Variants in IL1RAPL1 observed in about 807,000 individuals in gnomAD.
IL1RAPL1 encodes the protein interleukin 1 receptor accessory protein like 1.
In IL1RAPL1, 3 loss-of-function variants were observed where a neutral mutation model predicts 48.4. That is an observed-to-expected ratio of 0.06 (90% CI 0.03 to 0.16). The LOEUF is 0.16. Among genes scored for constraint, IL1RAPL1 ranks in the 10% least tolerant of loss-of-function variants. IL1RAPL1 has a pLI of 1.00. For synonymous variants in IL1RAPL1, 185 were observed against 187.7 expected, an observed-to-expected ratio of 0.99 and a Z score of 0.12; for missense variants, 349 against 530.6, an observed-to-expected ratio of 0.66 and a Z score of 3.36.
chrX:29,918,256 A>T (rs1349868155), intron 7 of IL1RAPL1, among the ~76,000 whole-genome samples: 1 of 86,680 alleles, frequency 1.2e-5, no homozygotes, highest in African/African-American at 4.6e-5. Flanking sequence ...AAAAAAAAAA[A>T]TGTTCTTTGG....
intron 2 of IL1RAPL1, among the ~76,000 whole-genome samples, chrX:29,259,392 A>G (rs1191950639): frequency 1.8e-5 from 2 of 111,422 alleles, no homozygotes; most frequent in East Asian, 2.8e-4. Context: ...AATATAAACT[A>G]TTTTATATAC....
At chrX:29,506,435 CCTT>C (rs1291357557) in intron 5 of IL1RAPL1, among the ~76,000 whole-genome samples, 58 of 93,579 alleles carry the variant, frequency 6.2e-4, no homozygotes, top group Middle Eastern at 5.5e-3. Context: ...TTCTCCTTCT[CCTT>C]CTCCTCCTCC....
chrX:29,161,239 C>G (rs1476872857), intron 2 of IL1RAPL1, among the ~76,000 whole-genome samples: 2 of 111,415 alleles, frequency 1.8e-5, no homozygotes, highest in Non-Finnish European at 3.8e-5. Context: ...CAATCAATTA[C>G]TGGTGATGCA....
intron 2 of IL1RAPL1, among the ~76,000 whole-genome samples, chrX:29,065,213 C>T (rs927425540): frequency 1.4e-4 from 15 of 108,348 alleles, no homozygotes; most frequent in Admixed American, 9.9e-5. Flanking sequence ...AAGGATTTTG[C>T]TTATGGTTAC....
At chrX:29,839,767 T>A (rs150041438) in intron 6 of IL1RAPL1, among the ~76,000 whole-genome samples, 100 of 110,687 alleles carry the variant, frequency 9.0e-4, no homozygotes, top group Middle Eastern at 4.6e-3. Context: ...ATATTTTTTT[T>A]AAAAATTAGC....
chrX:29,303,642 A>G (rs1202676550), intron 3 of IL1RAPL1, among the ~76,000 whole-genome samples: 2 of 111,961 alleles, frequency 1.8e-5, no homozygotes, highest in Middle Eastern at 4.6e-3. Flanking sequence ...TATGTTACGT[A>G]AACCAAAGTG....
At chrX:28,648,126 C>T (rs188878101) in intron 1 of IL1RAPL1, among the ~76,000 whole-genome samples, 2 of 111,147 alleles carry the variant, frequency 1.8e-5, no homozygotes, top group Non-Finnish European at 3.8e-5. Context: ...CCTGCACTTG[C>T]GAATTGCCTC....
At chrX:29,623,615 A>G (rs1379459609) in intron 5 of IL1RAPL1, among the ~76,000 whole-genome samples, 1 of 112,458 alleles carries the variant, frequency 8.9e-6, no homozygotes, top group African/African-American at 3.2e-5. Context: ...TTCAAAGAAA[A>G]TAGATTCCCA....
intron 2 of IL1RAPL1, among the ~76,000 whole-genome samples, chrX:29,026,551 C>A (rs954515968): frequency 3.1e-4 from 34 of 111,237 alleles, no homozygotes; most frequent in African/African-American, 1.1e-3. Context: ...ACACATTCTG[C>A]ACTTGTATTC....
chrX:29,117,995 C>T (rs1928709100), intron 2 of IL1RAPL1, among the ~76,000 whole-genome samples: 1 of 111,947 alleles, frequency 8.9e-6, no homozygotes, highest in Non-Finnish European at 1.9e-5. Context: ...GGCTTACTCT[C>T]AAACAACGGA....
chrX:29,368,483 G>A (rs918825851), intron 3 of IL1RAPL1, among the ~76,000 whole-genome samples: 5 of 112,021 alleles, frequency 4.5e-5, no homozygotes, highest in African/African-American at 1.6e-4. Context: ...GCGGGCTCAA[G>A]CAATCCTCCC....
chrX:29,234,552 A>G (rs771133666), intron 2 of IL1RAPL1, among the ~76,000 whole-genome samples: 2 of 112,409 alleles, frequency 1.8e-5, no homozygotes, highest in South Asian at 3.7e-4. Context: ...TGCTATAAAT[A>G]TTGACTGATG....
chrX:29,208,719 A>T (rs1317455071), intron 2 of IL1RAPL1, among the ~76,000 whole-genome samples: 2 of 87,191 alleles, frequency 2.3e-5, no homozygotes, highest in African/African-American at 1.3e-4. Context: ...AATAATAATA[A>T]TAATAATAAT....
intron 2 of IL1RAPL1, among the ~76,000 whole-genome samples, chrX:29,208,868 C>T (rs1307225957): frequency 9.1e-6 from 1 of 110,467 alleles, no homozygotes; most frequent in African/African-American, 3.3e-5. Flanking sequence ...TGGCAGTAGA[C>T]ATCACACAGT....
intron 1 of IL1RAPL1, among the ~76,000 whole-genome samples, chrX:28,704,935 T>G (rs1935357475): frequency 9.1e-6 from 1 of 109,965 alleles, no homozygotes; most frequent in African/African-American, 3.3e-5. Context: ...TATTGGGCAT[T>G]GGCAGTGAAC....
chrX:29,435,776 T>C (rs1184005225), intron 5 of IL1RAPL1, among the ~76,000 whole-genome samples: 5 of 110,925 alleles, frequency 4.5e-5, no homozygotes, highest in African/African-American at 1.6e-4. Context: ...CCTAAGTCAC[T>C]ATTGACAGCA....
chrX:28,616,582 C>T lies in IL1RAPL1; in HGVS notation c.-25+28535C>T, dbSNP rs762904142. Reference sequence around the variant, plus strand: ...CCAAGTAGCGGGGACTACAGGCGTACGCCACCATGCCTGGCTAATTTTTGT... The same window carrying T: ...CCAAGTAGCGGGGACTACAGGCGTATGCCACCATGCCTGGCTAATTTTTGT... On this transcript the variant is annotated intron_variant, in intron 1 of 10. Coordinates refer to ENST00000378993, the MANE Select transcript of IL1RAPL1 (RefSeq NM_014271.4). Among the ~76,000 whole-genome samples the T allele has an allele frequency of 1.3e-4, 14 of 110,721 alleles. No homozygotes were observed. In the East Asian group the frequency reaches 3.7e-3, roughly 29 times the overall value.
In IL1RAPL1 at chrX:29,887,716, C is replaced by T. The variant is rs996988771; in HGVS notation, c.779-29748C>T. Among the ~76,000 whole-genome samples the T allele has an allele frequency of 4.5e-5, 5 of 110,222 alleles. No individual in the cohort carries two copies. The South Asian group carries it at 1.1e-3, about 25-fold the overall frequency. ...TCAGAATGATTTCTAAGCATACACA[C>T]GCTAAAACAATGCTAAGACATAGAA... On this transcript the variant is annotated intron_variant, in intron 6 of 10. Coordinates refer to ENST00000378993, the MANE Select transcript of IL1RAPL1 (RefSeq NM_014271.4).
intron 1 of IL1RAPL1, among the ~76,000 whole-genome samples, chrX:28,657,731 C>A (rs1475187859): frequency 2.1e-4 from 23 of 112,032 alleles, no homozygotes; most frequent in Non-Finnish European, 5.6e-5. Context: ...GATGTGCATC[C>A]AAAATGCCAC....
Sources: gnomAD v4.1 joint callset for allele counts (sites outside exome capture counted in the v4.1 genomes callset) on GRCh38, gnomAD v4.1.1 for gene constraint, MANE v1.5 for transcripts, NCBI Gene and HGNC (gene_info 2026-07-23, HGNC 2026-07-21) for gene names.